The following RIPK1 variants were observed in gnomAD, a reference collection of about 807,000 sequenced individuals.
The protein encoded by RIPK1 is receptor-interacting serine/threonine-protein kinase 1.
In RIPK1, 27 loss-of-function variants were observed where a neutral mutation model predicts 62.4. The observed-to-expected ratio is 0.43, with a 90% CI of 0.32 to 0.60. The LOEUF (loss-of-function observed/expected upper bound fraction) is 0.60. Ranked by LOEUF, RIPK1 falls within the 20% of genes least tolerant of loss-of-function variation. The pLI, the probability that RIPK1 is intolerant of heterozygous loss-of-function variation, is 0.07. For synonymous variants in RIPK1, 287 were observed against 303.2 expected (o/e 0.95, Z 0.55); for missense variants, 735 against 831.0 (o/e 0.88, Z 1.42).
chr6:3,106,393 T>G (rs1760853293), intron 9 of RIPK1, among the ~76,000 whole-genome samples: 2 of 152,244 alleles, frequency 1.3e-5, no homozygotes, highest in South Asian at 4.1e-4. Flanking sequence ...CCTTGCTTGC[T>G]ACTTTTTGAA....
chr6:3,085,302 G>C lies in RIPK1; in HGVS notation c.732G>C (p.Gly244=). Reference sequence around the variant, plus strand: ...AGTTGATAATGTGCATAAAATCTGGGAACAGGCCAGATGTGGATGACATCA... The same window carrying C: ...AGTTGATAATGTGCATAAAATCTGGCAACAGGCCAGATGTGGATGACATCA... ...EQQLIMCIKS[G]NRPDVDDITE... The change falls in exon 6 of 11, where the codon GGG becomes GGC. Residue 244 remains glycine, a synonymous_variant. Transcript: ENST00000259808. 1 of 1,614,162 alleles carries C rather than the reference G, an allele frequency of 6.2e-7. No individual in the cohort carries two copies. Among genetic ancestry groups the C allele is most frequent in the South Asian group, 1.1e-5 (1 of 91,078 alleles).
chr6:3,100,531 G>T (rs937849969), intron 7 of RIPK1, among the ~76,000 whole-genome samples: 1 of 152,170 alleles, frequency 6.6e-6, no homozygotes, highest in African/African-American at 2.4e-5. Context: ...GGAAGAGTAG[G>T]TGCTGAAGGA....
chr6:3,110,770 G>T (rs1761114266), intron 9 of RIPK1, 33 bp from the exon 10 acceptor site: 1 of 1,422,796 alleles, frequency 7.0e-7, no homozygotes, highest in Non-Finnish European at 9.7e-7. Flanking sequence ...TTTTGATCTA[G>T]AATTACTTAC....
rs1035876906 is a variant in RIPK1 at position 3,077,786 on chromosome 6, G to A, written c.172G>A (p.Glu58Lys). Residue 58 changes from glutamate to lysine, a missense_variant, in exon 3 of 11, where the codon GAG becomes AAG. Physicochemically the swap from Glu to Lys is moderately conservative, Grantham distance 56. Coordinates refer to ENST00000259808, the MANE Select transcript of RIPK1 (RefSeq NM_001354930.2). ...YKGPNCIEHN[E>K]ALLEEAKMMN... ...CACCTTTCCTGCCCACAGGCACAAC[G>A]AGGCCCTCTTGGAGGAGGCGAAGAT... is the stretch of plus-strand genomic sequence containing the variant. The A allele has an allele frequency of 6.8e-6, 11 of 1,614,114 alleles. No homozygotes were observed. The highest frequency in any genetic ancestry group is 1.7e-5 in the Admixed American group (1 of 60,030).
chr6:3,107,758 C>G (rs1561776435), intron 9 of RIPK1, among the ~76,000 whole-genome samples: 1 of 151,852 alleles, frequency 6.6e-6, no homozygotes, highest in Admixed American at 6.6e-5. Flanking sequence ...CATGAGCAAC[C>G]CAAATACACC....
chr6:3,081,278 G>A (rs17513291), intron 4 of RIPK1, among the ~76,000 whole-genome samples, 162 bp downstream of exon 4: 2,131 of 152,332 alleles, frequency 0.014, 51 homozygotes, highest in African/African-American at 0.048. Flanking sequence ...TGAGAGGAAG[G>A]CTGCAGGCTT....
chr6:3,084,295 G>A (rs1759574190), intron 5 of RIPK1, among the ~76,000 whole-genome samples: 1 of 152,120 alleles, frequency 6.6e-6, no homozygotes, highest in Non-Finnish European at 1.5e-5. Context: ...TGGTCTTCAG[G>A]ATGAAGTTCG....
At chr6:3,080,924 C>T (rs1759343602) in intron 3 of RIPK1, 55 bp from the exon 4 acceptor site, 9 of 1,566,224 alleles carry the variant, frequency 5.7e-6, no homozygotes, top group Non-Finnish European at 7.0e-6. Context: ...GAAACAGTTG[C>T]TTTGGCCTAT....
intron 5 of RIPK1, 120 bp from the exon 6 acceptor site, chr6:3,085,139 C>T (rs1482869919): frequency 2.0e-6 from 2 of 1,013,518 alleles, no homozygotes; most frequent in Non-Finnish European, 1.5e-6. Context: ...AAGGCCATTC[C>T]ACTCTATGGA....
intron 10 of RIPK1, among the ~76,000 whole-genome samples, chr6:3,112,561 T>C (rs1761216196): frequency 6.6e-6 from 1 of 152,206 alleles, no homozygotes; most frequent in African/African-American, 2.4e-5. Context: ...GACAACATCC[T>C]GCTCTGTGGC....
At chr6:3,089,821 T>C (rs1164265421) in intron 7 of RIPK1, among the ~76,000 whole-genome samples, 164 bp downstream of exon 7, 1 of 152,236 alleles carries the variant, frequency 6.6e-6, no homozygotes, top group East Asian at 1.9e-4. Context: ...CCTGTTGGCA[T>C]ACTGGACCCA....
chr6:3,106,820 A>G (rs779155836), intron 9 of RIPK1, among the ~76,000 whole-genome samples: 55 of 152,388 alleles, frequency 3.6e-4, no homozygotes, highest in Non-Finnish European at 1.5e-4. Context: ...TGGATTAGAC[A>G]TTAAGCAGTA....
chr6:3,090,528 T>C (rs1193261422), intron 7 of RIPK1, among the ~76,000 whole-genome samples: 2 of 152,134 alleles, frequency 1.3e-5, no homozygotes, highest in Non-Finnish European at 2.9e-5. Flanking sequence ...ATAACCGCTT[T>C]AAATGTGGAT....
intron 9 of RIPK1, among the ~76,000 whole-genome samples, chr6:3,107,867 G>A (rs764133992): frequency 6.6e-6 from 1 of 152,060 alleles, no homozygotes; most frequent in Non-Finnish European, 1.5e-5. Context: ...AGGGTTCTGA[G>A]ATGCTTTCAG....
intron 7 of RIPK1, among the ~76,000 whole-genome samples, chr6:3,098,317 G>A (rs557523861): frequency 6.6e-6 from 1 of 152,212 alleles, no homozygotes; most frequent in Non-Finnish European, 1.5e-5. Flanking sequence ...AGTTAAAACA[G>A]GGATGAAATA....
At chr6:3,082,405 TG>T (rs1759441675) in intron 4 of RIPK1, among the ~76,000 whole-genome samples, 1 of 152,240 alleles carries the variant, frequency 6.6e-6, no homozygotes, top group Admixed American at 6.5e-5. Flanking sequence ...GAAGTGGAAC[TG>T]GCACCTATAT....
At chr6:3,099,050 C>T (rs1006524317) in intron 7 of RIPK1, among the ~76,000 whole-genome samples, 1 of 152,194 alleles carries the variant, frequency 6.6e-6, no homozygotes, top group Non-Finnish European at 1.5e-5. Context: ...GAGGGGGAAT[C>T]TGAGAGGCCC....
At chr6:3,076,355 G>C (rs1258743571) in intron 1 of RIPK1, among the ~76,000 whole-genome samples, 1 of 152,096 alleles carries the variant, frequency 6.6e-6, no homozygotes, top group African/African-American at 2.4e-5. Flanking sequence ...GTGGTGGAAT[G>C]TTAACAAAAG....
intron 7 of RIPK1, among the ~76,000 whole-genome samples, chr6:3,101,780 T>C (rs1300712746): frequency 6.6e-6 from 1 of 152,164 alleles, no homozygotes; most frequent in African/African-American, 2.4e-5. Context: ...TTTTTTACTG[T>C]GGCAAAATAT....
Sources: allele counts gnomAD v4.1 joint callset (sites outside exome capture counted in the v4.1 genomes callset), GRCh38; gene constraint gnomAD v4.1.1; transcripts MANE v1.5; gene names NCBI Gene and HGNC (gene_info 2026-07-23, HGNC 2026-07-21).